PSMD9: variants seen among roughly 807,000 people sequenced by gnomAD.
PSMD9 encodes the protein proteasome 26S subunit, non-ATPase 9, also known as 26S proteasome non-ATPase regulatory subunit 9.
In PSMD9, 26 loss-of-function variants were observed where a neutral mutation model predicts 25.9. The observed-to-expected ratio is 1.00, with a 90% CI of 0.73 to 1.39. The LOEUF is 1.39. Ranked by LOEUF, PSMD9 falls within the 40% of genes most tolerant of loss-of-function variation. The pLI is 0.00. For missense variants in PSMD9, 303 were observed against 299.3 expected, an observed-to-expected ratio of 1.01 and a Z score of -0.09; for synonymous variants, 110 against 114.5, an observed-to-expected ratio of 0.96 and a Z score of 0.25.
At chr12:121,894,901 C>T in intron 2 of PSMD9, 60 bp downstream of exon 2, 1 of 1,370,698 alleles carries the variant, frequency 7.3e-7, no homozygotes, top group South Asian at 1.2e-5. Flanking sequence ...TAAAGGCATA[C>T]AAATAAAACC....
At chr12:121,893,136 C>T (rs979661802) in intron 1 of PSMD9, among the ~76,000 whole-genome samples, 1 of 152,178 alleles carries the variant, frequency 6.6e-6, no homozygotes, top group Non-Finnish European at 1.5e-5. Flanking sequence ...GGATCCCATC[C>T]TTTGAGAAGC....
chr12:121,903,155 G>C (rs761563491), intron 4 of PSMD9, 48 bp downstream of exon 4: 3 of 1,479,664 alleles, frequency 2.0e-6, no homozygotes, highest in Non-Finnish European at 2.8e-6. Flanking sequence ...TTTTCTAACA[G>C]TATGCCATAG....
intron 3 of PSMD9, 192 bp from the exon 4 acceptor site, chr12:121,902,814 A>G: frequency 3.7e-6 from 2 of 535,944 alleles, no homozygotes; most frequent in Non-Finnish European, 6.8e-6. Context: ...AAGGAACCCC[A>G]GGAGGAGGTG....
At chr12:121,892,860 A>G (rs1246906015) in intron 1 of PSMD9, among the ~76,000 whole-genome samples, 1 of 152,128 alleles carries the variant, frequency 6.6e-6, no homozygotes. Flanking sequence ...GCAACAGAAG[A>G]TCTTGTCTCA....
intron 1 of PSMD9, among the ~76,000 whole-genome samples, chr12:121,890,307 A>G (rs1485782416): frequency 6.6e-6 from 1 of 152,178 alleles, no homozygotes; most frequent in South Asian, 2.1e-4. Flanking sequence ...CAGGTCTGTT[A>G]CATTCAGAAC....
Position 121,898,289 on chromosome 12 carries a change from C to A in PSMD9, c.242-1345C>A, listed in dbSNP as rs1043550144. On this transcript the variant is annotated intron_variant, in intron 2 of 5. Coordinates refer to ENST00000541212, the MANE Select transcript of PSMD9 (RefSeq NM_002813.7). ...ATCAAAATACCAGCTGCTGTGCTGGCGTGGCCTGCAGATTGCCATGGTGGT... is the reference window on the plus strand; with the variant it reads ...ATCAAAATACCAGCTGCTGTGCTGGAGTGGCCTGCAGATTGCCATGGTGGT... The A allele has an allele frequency of 2.0e-5, 3 of 152,334 alleles. No individual in the cohort carries two copies. In the South Asian group the frequency reaches 6.2e-4, roughly 32 times the overall value. The allele number at this position is 152,334 out of a possible 1,614,324, so 9.4% of individuals were successfully genotyped here. A position where few individuals can be genotyped will look rare whatever the true frequency, so the allele number is the denominator to read the frequency against.
chr12:121,904,328 A>G (rs550407817), intron 4 of PSMD9, among the ~76,000 whole-genome samples: 2 of 150,228 alleles, frequency 1.3e-5, no homozygotes, highest in African/African-American at 4.9e-5. Flanking sequence ...TAATCCCAGC[A>G]CTTTAGGAGG....
At chr12:121,894,972 C>A in intron 2 of PSMD9, 131 bp downstream of exon 2, 2 of 779,616 alleles carry the variant, frequency 2.6e-6, no homozygotes, top group East Asian at 2.7e-5. Context: ...TGTCCCCATC[C>A]AAGGACTGAG....
intron 4 of PSMD9, among the ~76,000 whole-genome samples, chr12:121,912,992 A>G (rs1282557119): frequency 7.1e-6 from 1 of 141,346 alleles, no homozygotes; most frequent in Non-Finnish European, 1.5e-5. Context: ...GCTGGAGTGC[A>G]GTGGCACAAT....
At position 121,888,801 on chromosome 12, in the gene PSMD9, G is replaced by T; in HGVS notation, c.-56G>T. ...GCGGAGCCGTAGTTACGGTCGACTGGGGCGTCGTCCCTAGCCCGGGAGCCG... is the reference window on the plus strand; with the variant it reads ...GCGGAGCCGTAGTTACGGTCGACTGTGGCGTCGTCCCTAGCCCGGGAGCCG... On this transcript the variant is annotated 5_prime_UTR_variant, in exon 1 of 6. Coordinates refer to ENST00000541212, the MANE Select transcript of PSMD9 (RefSeq NM_002813.7). 3 of 1,560,774 alleles carry T rather than the reference G, an allele frequency of 1.9e-6. No individual in the cohort carries two copies. Among genetic ancestry groups the T allele is most frequent in the South Asian group, 1.2e-5 (1 of 85,148 alleles).
At chr12:121,897,110 A>G (rs117652909) in intron 2 of PSMD9, among the ~76,000 whole-genome samples, 2 of 152,210 alleles carry the variant, frequency 1.3e-5, no homozygotes, top group South Asian at 2.1e-4. Context: ...AAAATGCTGC[A>G]TAAGCTGGGC....
intron 4 of PSMD9, among the ~76,000 whole-genome samples, chr12:121,909,849 G>A (rs886457637): frequency 1.3e-5 from 2 of 152,066 alleles, no homozygotes; most frequent in Non-Finnish European, 2.9e-5. Context: ...GTGGTGTAGC[G>A]AGTGTCCTTG....
At chr12:121,909,595 A>G (rs1405325589) in intron 4 of PSMD9, among the ~76,000 whole-genome samples, 1 of 151,918 alleles carries the variant, frequency 6.6e-6, no homozygotes, top group Non-Finnish European at 1.5e-5. Context: ...CATTCAGATT[A>G]TTAAGCATGA....
intron 2 of PSMD9, among the ~76,000 whole-genome samples, chr12:121,895,499 C>G (rs780291759): frequency 6.6e-6 from 1 of 152,132 alleles, no homozygotes; most frequent in Non-Finnish European, 1.5e-5. Flanking sequence ...GATAAGAAGT[C>G]CAGATGGGTC....
At chr12:121,908,561 A>C (rs1457601928) in intron 4 of PSMD9, among the ~76,000 whole-genome samples, 2 of 152,134 alleles carry the variant, frequency 1.3e-5, no homozygotes, top group Admixed American at 6.6e-5. Context: ...TGGGCGAGGT[A>C]CTGGGGCTGT....
At chr12:121,910,083 CTTTT>C (rs34940246) in intron 4 of PSMD9, among the ~76,000 whole-genome samples, 5 of 95,562 alleles carry the variant, frequency 5.2e-5, no homozygotes, top group Non-Finnish European at 7.6e-5. Flanking sequence ...TAGGAAATGA[CTTTT>C]TTTTTTTTTT....
chr12:121,910,831 AT>A (rs1403455777), intron 4 of PSMD9: 1 of 383,160 alleles, frequency 2.6e-6, no homozygotes, highest in African/African-American at 2.1e-5. Flanking sequence ...CATTCACATT[AT>A]TTTGCAAATA....
At chr12:121,912,018 T>TGC (rs1448393569) in intron 4 of PSMD9, among the ~76,000 whole-genome samples, 3 of 82,806 alleles carry the variant, frequency 3.6e-5, no homozygotes, top group African/African-American at 9.9e-5. Flanking sequence ...TATTTATTTA[T>TGC]TTATTTATTT....
chr12:121,909,025 CA>C (rs34065005), intron 4 of PSMD9, among the ~76,000 whole-genome samples: 7,263 of 152,012 alleles, frequency 0.048, 556 homozygotes, highest in African/African-American at 0.16. Flanking sequence ...TGGGGTGTGA[CA>C]GGGGTAAGAA....
Sources: allele counts gnomAD v4.1 joint callset (sites outside exome capture counted in the v4.1 genomes callset), GRCh38; gene constraint gnomAD v4.1.1; transcripts MANE v1.5; gene names NCBI Gene and HGNC (gene_info 2026-07-23, HGNC 2026-07-21).